NRG1: variants seen among roughly 807,000 people sequenced by gnomAD.
The protein encoded by NRG1 is pro-neuregulin-1, membrane-bound isoform.
Under a neutral mutation model 63.8 loss-of-function variants are expected in NRG1, and 18 were observed. The ratio of observed to expected loss-of-function variants is 0.28; its 90% CI spans 0.19 to 0.42. The LOEUF (loss-of-function observed/expected upper bound fraction) is 0.42. Among genes scored for constraint, NRG1 ranks in the 10% least tolerant of loss-of-function variants. The pLI is 1.00. For synonymous variants in NRG1, 302 were observed against 301.3 expected (o/e 1.00, Z -0.02); for missense variants, 762 against 814.7 (o/e 0.94, Z 0.79).
At chr8:32,323,540 A>T (rs919217307) in intron 1 of NRG1, among the ~76,000 whole-genome samples, 1 of 152,212 alleles carries the variant, frequency 6.6e-6, no homozygotes, top group Admixed American at 6.5e-5. Flanking sequence ...CTTGGAACAG[A>T]AGCCAGCAAT....
At chr8:32,720,682 TTTC>T (rs1356338012) in intron 5 of NRG1, among the ~76,000 whole-genome samples, 1 of 152,168 alleles carries the variant, frequency 6.6e-6, no homozygotes, top group Non-Finnish European at 1.5e-5. Context: ...GGAAGATACT[TTTC>T]TTCTTCTTTG....
At chr8:32,093,016 C>G in intron 1 of NRG1, among the ~76,000 whole-genome samples, 1 of 152,114 alleles carries the variant, frequency 6.6e-6, no homozygotes, top group Admixed American at 6.5e-5. Flanking sequence ...ATCTGTTTAA[C>G]AAAAGGAAGG....
At chr8:31,656,147 G>A (rs1362144938) in intron 1 of NRG1, among the ~76,000 whole-genome samples, 1 of 152,130 alleles carries the variant, frequency 6.6e-6, no homozygotes, top group East Asian at 1.9e-4. Context: ...GAGAGTGTAA[G>A]GAAAAGTGAA....
intron 5 of NRG1, among the ~76,000 whole-genome samples, chr8:32,629,329 G>A (rs1849858185): frequency 6.6e-6 from 1 of 152,092 alleles, no homozygotes; most frequent in African/African-American, 2.4e-5. Context: ...CCATAGTGAT[G>A]TGCACATCAG....
At chr8:32,592,798 C>G (rs1342619747) in intron 1 of NRG1, among the ~76,000 whole-genome samples, 1 of 152,090 alleles carries the variant, frequency 6.6e-6, no homozygotes, top group African/African-American at 2.4e-5. Context: ...ATAGTTGACA[C>G]TCAGACAATG....
chr8:32,508,462 T>C (rs1456516629), intron 1 of NRG1, among the ~76,000 whole-genome samples: 1 of 151,342 alleles, frequency 6.6e-6, no homozygotes, highest in Admixed American at 6.6e-5. Flanking sequence ...AGCTAGTTTT[T>C]TTTTTTTTGT....
intron 1 of NRG1, among the ~76,000 whole-genome samples, chr8:32,209,560 A>G (rs1016634049): frequency 1.3e-5 from 2 of 152,236 alleles, no homozygotes; most frequent in Admixed American, 1.3e-4. Flanking sequence ...TAAAATAAGC[A>G]TAGAAGAGGG....
chr8:32,054,591 CAA>C (rs1440041602), intron 1 of NRG1, among the ~76,000 whole-genome samples: 11 of 152,174 alleles, frequency 7.2e-5, no homozygotes, highest in Middle Eastern at 3.4e-3. Context: ...AAAATTTGAC[CAA>C]GTTTTGGAAG....
chr8:32,006,363 T>C (rs1813764944), intron 1 of NRG1, among the ~76,000 whole-genome samples: 1 of 152,028 alleles, frequency 6.6e-6, no homozygotes, highest in South Asian at 2.1e-4. Context: ...TTTCCAGAAA[T>C]ACCCCACCAC....
At chr8:31,824,627 T>C (rs1824356570) in intron 1 of NRG1, among the ~76,000 whole-genome samples, 1 of 152,226 alleles carries the variant, frequency 6.6e-6, no homozygotes, top group Admixed American at 6.5e-5. Context: ...CTGAATCCCT[T>C]TGGATATTTT....
chr8:31,691,328 C>A (rs950553469), intron 1 of NRG1, among the ~76,000 whole-genome samples: 2 of 152,102 alleles, frequency 1.3e-5, no homozygotes, highest in Non-Finnish European at 2.9e-5. Flanking sequence ...AGATCTGAGG[C>A]CGGGCGCGGT....
At chr8:31,959,817 A>C (rs1805136596) in intron 1 of NRG1, among the ~76,000 whole-genome samples, 1 of 135,886 alleles carries the variant, frequency 7.4e-6, no homozygotes, top group African/African-American at 2.6e-5. Context: ...TTATTTATTT[A>C]TTTATTTATT....
intron 1 of NRG1, among the ~76,000 whole-genome samples, chr8:32,514,423 A>G (rs1239026487): frequency 2.0e-5 from 3 of 152,126 alleles, no homozygotes; most frequent in Non-Finnish European, 2.9e-5. Flanking sequence ...AACATGCTTC[A>G]TGCTTGAAAA....
chr8:32,336,945 C>A (rs1469502617), intron 1 of NRG1, among the ~76,000 whole-genome samples: 1 of 151,994 alleles, frequency 6.6e-6, no homozygotes. Context: ...CAATGGGAAG[C>A]CATTTGAGGG....
exon 1 of NRG1, chr8:32,548,767 A>G: frequency 6.3e-7 from 1 of 1,591,048 alleles, no homozygotes; most frequent in Non-Finnish European, 8.5e-7. Context: ...GGGAAGGGCA[A>G]GAAGAAGGAG....
At chr8:32,613,051 T>C (rs1423860326) in intron 3 of NRG1, among the ~76,000 whole-genome samples, 2 of 152,044 alleles carry the variant, frequency 1.3e-5, no homozygotes, top group African/African-American at 4.8e-5. Context: ...ATCTTCATAT[T>C]ACCAATTCGG....
intron 1 of NRG1, among the ~76,000 whole-genome samples, chr8:32,399,510 G>T (rs533530277): frequency 1.3e-5 from 2 of 152,290 alleles, no homozygotes; most frequent in Admixed American, 1.3e-4. Context: ...TTCGAGGCCA[G>T]CGTGGCCAAT....
chr8:32,527,060 G>A (rs1224578038), intron 1 of NRG1, among the ~76,000 whole-genome samples: 1 of 152,042 alleles, frequency 6.6e-6, no homozygotes, highest in African/African-American at 2.4e-5. Context: ...TCTGTACTTG[G>A]ACTCAAAGAC....
At chr8:32,338,714 T>C (rs549880453) in intron 1 of NRG1, among the ~76,000 whole-genome samples, 2 of 152,314 alleles carry the variant, frequency 1.3e-5, no homozygotes, top group South Asian at 4.1e-4. Flanking sequence ...AGAAGCATGT[T>C]AGAAATATAT....
Sources: gnomAD v4.1 joint callset for allele counts (sites outside exome capture counted in the v4.1 genomes callset) on GRCh38, gnomAD v4.1.1 for gene constraint, MANE v1.5 for transcripts, NCBI Gene and HGNC (gene_info 2026-07-23, HGNC 2026-07-21) for gene names.